LDLRAD3: variants seen among roughly 807,000 people sequenced by gnomAD.
The protein encoded by LDLRAD3 is low-density lipoprotein receptor class A domain-containing protein 3.
A neutral mutation model predicts 29.4 loss-of-function variants in LDLRAD3; 20 were observed. The observed-to-expected ratio is 0.68, with a 90% confidence interval of 0.48 to 0.99. The LOEUF is 0.99. Among genes scored for constraint, LDLRAD3 ranks in the 50% least tolerant of loss-of-function variants. The pLI, the probability that LDLRAD3 is intolerant of heterozygous loss-of-function variation, is 0.00. For synonymous variants in LDLRAD3, 157 were observed against 192.7 expected, an observed-to-expected ratio of 0.81 and a Z score of 1.53; for missense variants, 420 against 454.3, an observed-to-expected ratio of 0.92 and a Z score of 0.69.
chr11:36,172,127 G>A (rs1413962161), intron 4 of LDLRAD3, among the ~76,000 whole-genome samples: 2 of 151,968 alleles, frequency 1.3e-5, no homozygotes, highest in Non-Finnish European at 2.9e-5. Flanking sequence ...TTCTCAGCTT[G>A]GTCGCTGTTG....
intron 1 of LDLRAD3, among the ~76,000 whole-genome samples, chr11:36,022,067 T>G (rs1852104500): frequency 6.6e-6 from 1 of 152,210 alleles, no homozygotes; most frequent in South Asian, 2.1e-4. Context: ...CCTGAAGAAC[T>G]GGACCCACAC....
chr11:35,976,745 C>T (rs751381340), intron 1 of LDLRAD3, among the ~76,000 whole-genome samples: 2 of 152,142 alleles, frequency 1.3e-5, no homozygotes, highest in African/African-American at 2.4e-5. Flanking sequence ...TATGAGGTGT[C>T]TGAGACGATG....
chr11:35,999,442 C>T (rs1466740094), intron 1 of LDLRAD3, among the ~76,000 whole-genome samples: 2 of 152,198 alleles, frequency 1.3e-5, no homozygotes, highest in African/African-American at 4.8e-5. Flanking sequence ...AGGGGCCTGG[C>T]TGCAGCCACA....
chr11:36,170,376 A>G (rs1854581676), intron 4 of LDLRAD3, among the ~76,000 whole-genome samples: 1 of 151,138 alleles, frequency 6.6e-6, no homozygotes, highest in African/African-American at 2.4e-5. Flanking sequence ...ACACATATAT[A>G]TCTGACATTT....
At chr11:36,191,269 C>T (rs948661488) in intron 4 of LDLRAD3, among the ~76,000 whole-genome samples, 6 of 152,016 alleles carry the variant, frequency 3.9e-5, no homozygotes, top group South Asian at 2.1e-4. Context: ...TATGGTGGCT[C>T]ACTCAGGCCT....
At chr11:36,056,142 T>C (rs955738986) in intron 2 of LDLRAD3, among the ~76,000 whole-genome samples, 1 of 151,952 alleles carries the variant, frequency 6.6e-6, no homozygotes, top group African/African-American at 2.4e-5. Context: ...ATTACAGTCA[T>C]GCGCCACTAC....
At chr11:35,945,960 G>C (rs1851051907) in intron 1 of LDLRAD3, among the ~76,000 whole-genome samples, 1 of 152,188 alleles carries the variant, frequency 6.6e-6, no homozygotes, top group East Asian at 1.9e-4. Flanking sequence ...AACTGTCCCT[G>C]GTGGGTTTTC....
chr11:36,120,898 G>T (rs985824657), intron 4 of LDLRAD3, among the ~76,000 whole-genome samples: 5 of 152,192 alleles, frequency 3.3e-5, no homozygotes, highest in Non-Finnish European at 7.3e-5. Context: ...TTTCCATTGT[G>T]CAAGGACACA....
chr11:36,036,405 A>G (rs1852305432), intron 2 of LDLRAD3, among the ~76,000 whole-genome samples, 156 bp downstream of exon 2: 1 of 151,726 alleles, frequency 6.6e-6, no homozygotes, highest in Non-Finnish European at 1.5e-5. Context: ...CTGTATCTCC[A>G]TCTCAGAGTC....
At chr11:36,078,913 C>T (rs1853063139) in intron 2 of LDLRAD3, among the ~76,000 whole-genome samples, 1 of 152,196 alleles carries the variant, frequency 6.6e-6, no homozygotes, top group Admixed American at 6.5e-5. Flanking sequence ...CAGGGCCAGT[C>T]CCATAAGTCC....
chr11:36,068,924 C>T (rs752136338), intron 2 of LDLRAD3, among the ~76,000 whole-genome samples: 4 of 152,316 alleles, frequency 2.6e-5, no homozygotes, highest in South Asian at 2.1e-4. Flanking sequence ...GAATTTTCTA[C>T]GAGAGAATCT....
chr11:36,008,745 A>G (rs1401377066), intron 1 of LDLRAD3, among the ~76,000 whole-genome samples: 1 of 152,208 alleles, frequency 6.6e-6, no homozygotes, highest in Non-Finnish European at 1.5e-5. Context: ...TTGTCTTCTT[A>G]AGAAATGAAT....
At chr11:35,951,990 C>T (rs796340182) in intron 1 of LDLRAD3, among the ~76,000 whole-genome samples, 25 of 152,300 alleles carry the variant, frequency 1.6e-4, no homozygotes, top group African/African-American at 5.5e-4. Context: ...ATCTTTCTTT[C>T]GGCTCTTATA....
intron 1 of LDLRAD3, among the ~76,000 whole-genome samples, chr11:36,024,704 C>T (rs903063119): frequency 2.0e-5 from 3 of 152,234 alleles, no homozygotes; most frequent in Non-Finnish European, 4.4e-5. Flanking sequence ...GTGCCTTTGG[C>T]CCTTCCTTAG....
At chr11:36,186,959 G>T (rs928486994) in intron 4 of LDLRAD3, among the ~76,000 whole-genome samples, 1 of 152,172 alleles carries the variant, frequency 6.6e-6, no homozygotes, top group Non-Finnish European at 1.5e-5. Flanking sequence ...TAAATGTGCA[G>T]GTGGTTGCCA....
rs143967842 is a variant in LDLRAD3 at position 35,996,751 on chromosome 11, A to G, written c.47-39352A>G. On this transcript the variant is annotated intron_variant, in intron 1 of 5. Transcript: ENST00000315571. Reference sequence around the variant, plus strand: ...GCAAGGACCATGATGAAGGGAATCAAAGCCACAAATATAAATCATAATGAG... The same window carrying G: ...GCAAGGACCATGATGAAGGGAATCAGAGCCACAAATATAAATCATAATGAG... 1.5e-3 allele frequency among the ~76,000 whole-genome samples: 225 copies of G among 152,348 alleles called. 2 individuals are homozygous for G. Among genetic ancestry groups the G allele is most frequent in the African/African-American group, 5.2e-3 (216 of 41,580 alleles).
intron 2 of LDLRAD3, among the ~76,000 whole-genome samples, chr11:36,081,431 T>C (rs1853111938): frequency 6.6e-6 from 1 of 152,222 alleles, no homozygotes; most frequent in South Asian, 2.1e-4. Flanking sequence ...GGCTATGTTA[T>C]CCTCTTGGGT....
chr11:36,129,510 C>T (rs767456158), intron 4 of LDLRAD3, among the ~76,000 whole-genome samples: 64 of 152,134 alleles, frequency 4.2e-4, no homozygotes, highest in Non-Finnish European at 6.9e-4. Flanking sequence ...GTATCAAATC[C>T]GACCTTGCTG....
chr11:36,088,042 A>T (rs1014990583), intron 3 of LDLRAD3, among the ~76,000 whole-genome samples: 1 of 151,814 alleles, frequency 6.6e-6, no homozygotes, highest in Admixed American at 6.6e-5. Context: ...AAAGGTAGAG[A>T]TGGGGTTTTG....
Sources: allele counts gnomAD v4.1 joint callset (sites outside exome capture counted in the v4.1 genomes callset), GRCh38; gene constraint gnomAD v4.1.1; transcripts MANE v1.5; gene names NCBI Gene and HGNC (gene_info 2026-07-23, HGNC 2026-07-21).